NCKAP1L: variants seen among roughly 807,000 people sequenced by gnomAD.
NCKAP1L encodes the protein nck-associated protein 1-like.
NCKAP1L carries 53 observed loss-of-function variants against 139.2 expected under a neutral mutation model. The ratio of observed to expected loss-of-function variants is 0.38; its 90% CI spans 0.31 to 0.48. NCKAP1L has a LOEUF of 0.48. Among genes scored for constraint, NCKAP1L ranks in the 20% least tolerant of loss-of-function variants. NCKAP1L has a pLI of 0.98. For synonymous variants in NCKAP1L, 468 were observed against 499.7 expected (o/e 0.94, Z 0.85); for missense variants, 1,151 against 1,381.9 (o/e 0.83, Z 2.65).
At chr12:54,541,371 C>T (rs1358689418) in intron 30 of NCKAP1L, among the ~76,000 whole-genome samples, 2 of 152,168 alleles carry the variant, frequency 1.3e-5, no homozygotes, top group African/African-American at 4.8e-5. Flanking sequence ...TTTTCTTGTG[C>T]TTTATGGAGA....
intron 21 of NCKAP1L, among the ~76,000 whole-genome samples, chr12:54,527,917 C>T (rs1957039444): frequency 6.6e-6 from 1 of 152,152 alleles, no homozygotes; most frequent in Non-Finnish European, 1.5e-5. Flanking sequence ...CAGGTTGAGC[C>T]TGTCTTACCT....
chr12:54,507,324 C>T (rs530478093), intron 3 of NCKAP1L, among the ~76,000 whole-genome samples: 2 of 152,126 alleles, frequency 1.3e-5, no homozygotes, highest in South Asian at 4.2e-4. Context: ...CCCTATCATA[C>T]TAGAATGAGA....
At chr12:54,523,639 G>T in intron 19 of NCKAP1L, 100 bp downstream of exon 19, 1 of 1,491,424 alleles carries the variant, frequency 6.7e-7, no homozygotes, top group Non-Finnish European at 9.0e-7. Flanking sequence ...CGCAAGTCAT[G>T]GTGGGGAATG....
At chr12:54,520,294 G>A (rs1956971246) in intron 16 of NCKAP1L, among the ~76,000 whole-genome samples, 1 of 152,210 alleles carries the variant, frequency 6.6e-6, no homozygotes, top group Non-Finnish European at 1.5e-5. Context: ...AATTTGAGAA[G>A]ATTTTCTGGA....
intron 9 of NCKAP1L, chr12:54,512,412 C>T: frequency 4.0e-6 from 1 of 248,678 alleles, no homozygotes; most frequent in Non-Finnish European, 8.0e-6. Context: ...ATGCCATTAC[C>T]TCAATTTCCT....
intron 18 of NCKAP1L, among the ~76,000 whole-genome samples, chr12:54,523,117 C>G (rs1339844232): frequency 1.3e-5 from 2 of 152,190 alleles, no homozygotes; most frequent in Non-Finnish European, 2.9e-5. Context: ...GAAAGGTTCT[C>G]TCAGGATGTG....
chr12:54,507,826 A>C, intron 3 of NCKAP1L, 27 bp from the exon 4 acceptor site: 1 of 1,607,076 alleles, frequency 6.2e-7, no homozygotes, highest in African/African-American at 1.3e-5. Context: ...ATTTTTTATT[A>C]ATTCTTGTCT....
Position 54,542,810 on chromosome 12 carries a change from C to A in NCKAP1L, c.*125C>A, listed in dbSNP as rs943357432. 1.8e-5 allele frequency: 12 copies of A among 662,778 alleles called. No individual in the cohort carries two copies. In the African/African-American group the frequency reaches 2.1e-4, roughly 12 times the overall value. The allele number at this position is 662,778 out of a possible 1,614,324, so 41.1% of individuals were successfully genotyped here. On this transcript the variant is annotated 3_prime_UTR_variant, in exon 31 of 31. Coordinates refer to ENST00000293373, the MANE Select transcript of NCKAP1L (RefSeq NM_005337.5). The stretch of plus-strand genomic sequence containing the variant: ...GTCACTAAGGAGAGAGGGTCAGGAG[C>A]CAGAGTTGATGAGCAGATCTGTGGA...
At chr12:54,503,586 G>C (rs185162605) in intron 3 of NCKAP1L, among the ~76,000 whole-genome samples, 61 of 151,266 alleles carry the variant, frequency 4.0e-4, no homozygotes, top group Non-Finnish European at 6.3e-4. Flanking sequence ...ATATTCTGTA[G>C]CTGTTAAAGT....
At chr12:54,507,535 C>G (rs1000866303) in intron 3 of NCKAP1L, among the ~76,000 whole-genome samples, 1 of 152,166 alleles carries the variant, frequency 6.6e-6, no homozygotes, top group Admixed American at 6.5e-5. Context: ...TTGAAGCTAC[C>G]TATTAGATAA....
intron 18 of NCKAP1L, 83 bp from the exon 19 acceptor site, chr12:54,523,311 T>C (rs1177354682): frequency 1.4e-5 from 20 of 1,478,344 alleles, no homozygotes; most frequent in Non-Finnish European, 1.8e-5. Flanking sequence ...CAGACAACAA[T>C]GGACAACAAC....
chr12:54,528,137 C>A (rs1172384883), intron 21 of NCKAP1L, 110 bp from the exon 22 acceptor site: 19 of 1,325,988 alleles, frequency 1.4e-5, no homozygotes, highest in Non-Finnish European at 1.1e-5. Flanking sequence ...CTTCTCCCTA[C>A]CCCAGTCTTT....
rs1214513123 is a variant in NCKAP1L at position 54,542,622 on chromosome 12, T to A, written c.3321T>A (p.Cys1107Ter). The A allele has an allele frequency of 6.2e-7, 1 of 1,614,076 alleles. No individual in the cohort carries two copies. ...SFLTLDMLES[C>*]FPYVLLRNAY... ...TGACCCTGGACATGCTGGAGTCCTGTTTCCCTTATGTCCTGCTTCGAAATG... is the reference window on the plus strand; with the variant it reads ...TGACCCTGGACATGCTGGAGTCCTGATTCCCTTATGTCCTGCTTCGAAATG... Residue 1107 changes from cysteine (C) to a stop codon, truncating the protein, a stop_gained, in exon 31 of 31, where the codon TGT becomes TGA. Coordinates refer to ENST00000293373, the MANE Select transcript of NCKAP1L (RefSeq NM_005337.5). LOFTEE classifies it high-confidence loss of function.
chr12:54,546,952 C>G lies in NCKAP1L; in HGVS notation c.*4267C>G, dbSNP rs1415516190. The G allele has an allele frequency of 6.6e-6, 1 of 152,026 alleles. No homozygotes were observed. Among genetic ancestry groups the G allele is most frequent in the Non-Finnish European group, 1.5e-5 (1 of 68,008 alleles). The allele number at this position is 152,026 out of a possible 1,614,324, so 9.4% of individuals were successfully genotyped here. A position where few individuals can be genotyped will look rare whatever the true frequency, so the allele number is the denominator to read the frequency against. On this transcript the variant is annotated 3_prime_UTR_variant, in exon 31 of 31. Transcript: ENST00000293373. Reference sequence around the variant, plus strand: ...ATCACATCCATCCGTCACCTACTGCCAAAGCATCATTTTTGGTTTCTATCA... The same window carrying G: ...ATCACATCCATCCGTCACCTACTGCGAAAGCATCATTTTTGGTTTCTATCA...
intron 22 of NCKAP1L, among the ~76,000 whole-genome samples, chr12:54,529,363 A>G (rs888028146): frequency 2.6e-5 from 4 of 152,160 alleles, no homozygotes; most frequent in African/African-American, 9.7e-5. Flanking sequence ...GTTTGAAACT[A>G]CAAGATCCTT....
rs774081154 is a variant in NCKAP1L, at chr12:54,523,469, A to G, written c.1954A>G (p.Arg652Gly). 7.4e-6 allele frequency: 12 copies of G among 1,614,204 alleles called. No homozygotes were observed. The highest frequency in any genetic ancestry group is 1.0e-5 in the Non-Finnish European group (12 of 1,180,032). ...KKTRKQRQTP[R>G]KGEPERDKPG... ...AACCAGGAAGCAGAGGCAGACTCCC[A>G]GAAAAGGAGAGCCCGAGAGGGACAA... The change falls in exon 19 of 31, where the codon AGA becomes GGA. Residue 652 changes from arginine to glycine, a missense_variant. Physicochemically the swap from Arg to Gly is moderately radical, Grantham distance 125. Transcript: ENST00000293373.
chr12:54,502,823 CAAAAAA>C (rs780466592), intron 3 of NCKAP1L, among the ~76,000 whole-genome samples: 1 of 57,958 alleles, frequency 1.7e-5, no homozygotes, highest in Non-Finnish European at 3.0e-5. Flanking sequence ...CCCATCTACA[CAAAAAA>C]AAAAAAAAAA....
chr12:54,538,658 C>G (rs1957132466), intron 29 of NCKAP1L, among the ~76,000 whole-genome samples: 1 of 152,184 alleles, frequency 6.6e-6, no homozygotes, highest in African/African-American at 2.4e-5. Flanking sequence ...CCCTAGCACT[C>G]CTGGCAACCT....
At position 54,544,433 on chromosome 12, in the gene NCKAP1L, A is replaced by C. The variant is rs943980290; in HGVS notation, c.*1748A>C. On this transcript the variant is annotated 3_prime_UTR_variant, in exon 31 of 31. Transcript: ENST00000293373. ...GCCTTTTTTTAAAACTGAAAATTTT[A>C]TTGAGATACTTAATCCACCTGCACT... 2 of 152,192 alleles carry C rather than the reference A, an allele frequency of 1.3e-5. No homozygotes were observed. The highest frequency in any genetic ancestry group is 2.4e-5 in the African/African-American group (1 of 41,436). The allele number at this position is 152,192 out of a possible 1,614,324, so 9.4% of individuals were successfully genotyped here. A position where few individuals can be genotyped will look rare whatever the true frequency, so the allele number is the denominator to read the frequency against.
Sources: allele counts gnomAD v4.1 joint callset (sites outside exome capture counted in the v4.1 genomes callset), GRCh38; gene constraint gnomAD v4.1.1; transcripts MANE v1.5; gene names NCBI Gene and HGNC (gene_info 2026-07-23, HGNC 2026-07-21).